PKHD1: variants seen among roughly 807,000 people sequenced by gnomAD.
PKHD1 encodes fibrocystin.
Under a neutral mutation model 412.0 loss-of-function variants are expected in PKHD1, and 291 were observed. The ratio of observed to expected loss-of-function variants is 0.71; its 90% CI spans 0.64 to 0.78. PKHD1 has a LOEUF of 0.78. PKHD1 is among the 30% of genes least tolerant of loss of function. PKHD1 has a pLI of 0.00. For synonymous variants in PKHD1, 1,777 were observed against 1,821.5 expected (o/e 0.98, Z 0.62); for missense variants, 4,825 against 4,950.7 (o/e 0.97, Z 0.76).
chr6:51,668,137 A>G (rs774989471), intron 60 of PKHD1, among the ~76,000 whole-genome samples: 6 of 152,186 alleles, frequency 3.9e-5, no homozygotes, highest in Non-Finnish European at 8.8e-5. Context: ...TACCTTGTGC[A>G]GTATGGCCAT....
chr6:51,919,485 T>C (rs1784350130), intron 37 of PKHD1, among the ~76,000 whole-genome samples: 1 of 152,220 alleles, frequency 6.6e-6, no homozygotes, highest in Non-Finnish European at 1.5e-5. Flanking sequence ...TCCATTGGTC[T>C]ATATCTCTGT....
chr6:51,947,098 T>G (rs1329083342), intron 36 of PKHD1, among the ~76,000 whole-genome samples: 1 of 152,208 alleles, frequency 6.6e-6, no homozygotes, highest in East Asian at 1.9e-4. Flanking sequence ...TGGTCAGGCC[T>G]TTACCTGATG....
rs186252047 is a variant in PKHD1, at chr6:51,718,731, A to G, written c.10156+25654T>C. Among the ~76,000 whole-genome samples the G allele has an allele frequency of 5.1e-4, 77 of 152,342 alleles. 1 individual carries two copies. The highest frequency in any genetic ancestry group is 1.7e-3 in the African/African-American group (69 of 41,582). On this transcript the variant is annotated intron_variant, in intron 60 of 66. Coordinates refer to ENST00000371117, the MANE Select transcript of PKHD1 (RefSeq NM_138694.4). Reference sequence around the variant, plus strand: ...TTCCAGTTTCTTTCACATAAAATGGAATAACTATAAATGGAGATATAATCA... The same window carrying G: ...TTCCAGTTTCTTTCACATAAAATGGGATAACTATAAATGGAGATATAATCA...
At chr6:52,007,799 G>A (rs1352311710) in intron 35 of PKHD1, among the ~76,000 whole-genome samples, 1 of 152,112 alleles carries the variant, frequency 6.6e-6, no homozygotes, top group East Asian at 1.9e-4. Context: ...TTGTTTTTCT[G>A]GACTCCAGGC....
At chr6:51,656,633 A>C (rs1581873604) in intron 61 of PKHD1, among the ~76,000 whole-genome samples, 1 of 151,594 alleles carries the variant, frequency 6.6e-6, no homozygotes, top group Non-Finnish European at 1.5e-5. Flanking sequence ...CTTCCCACAA[A>C]ACAGAGTTGG....
At chr6:51,999,652 C>T (rs909118782) in intron 35 of PKHD1, among the ~76,000 whole-genome samples, 1 of 152,132 alleles carries the variant, frequency 6.6e-6, no homozygotes, top group Non-Finnish European at 1.5e-5. Context: ...AGAGGACAAC[C>T]CTGAGGAGAA....
chr6:51,806,038 A>C (rs1042437677), intron 52 of PKHD1, among the ~76,000 whole-genome samples: 1 of 144,410 alleles, frequency 6.9e-6, no homozygotes, highest in East Asian at 2.1e-4. Context: ...TGGTATTTCT[A>C]GTTCTAGATC....
chr6:51,848,856 A>G (rs574853381), intron 49 of PKHD1, among the ~76,000 whole-genome samples: 31 of 150,356 alleles, frequency 2.1e-4, no homozygotes, highest in African/African-American at 7.4e-4. Context: ...ATTCCACTGG[A>G]TTGCTGTTTA....
At position 52,025,518 on chromosome 6, in the gene PKHD1, C is replaced by T. The variant is rs753307105; in HGVS notation, c.4292G>A (p.Cys1431Tyr). 12 of 1,613,920 alleles carry T rather than the reference C, an allele frequency of 7.4e-6. No individual in the cohort carries two copies. In the Admixed American group the frequency reaches 1.7e-4, roughly 22 times the overall value. Residue 1431 changes from cysteine to tyrosine, a missense_variant, in exon 32 of 67, where the codon TGT (cysteine) becomes TAT (tyrosine). Physicochemically the swap from Cys to Tyr is radical, Grantham distance 194. Transcript: ENST00000371117. ...GTGGTCTCCCAAACTCAAAATCACACAAGTAAAAGGACCCGAGAGGTCAAC... is the reference window on the plus strand; with the variant it reads ...GTGGTCTCCCAAACTCAAAATCACATAAGTAAAAGGACCCGAGAGGTCAAC... ...VRVDLSGPFT[C>Y]VILSLGDHTI...
intron 35 of PKHD1, among the ~76,000 whole-genome samples, chr6:52,007,975 T>C (rs370508116): frequency 7.2e-5 from 11 of 152,308 alleles, no homozygotes; most frequent in African/African-American, 2.4e-4. Context: ...CATTGTTCCC[T>C]CGTGTGCTTC....
intron 60 of PKHD1, among the ~76,000 whole-genome samples, chr6:51,678,882 T>C (rs1776238676): frequency 6.6e-6 from 1 of 152,126 alleles, no homozygotes; most frequent in Non-Finnish European, 1.5e-5. Context: ...AACAAACTGA[T>C]GTTCATGGGT....
At chr6:51,979,360 G>T (rs545748872) in intron 35 of PKHD1, among the ~76,000 whole-genome samples, 32 of 152,154 alleles carry the variant, frequency 2.1e-4, no homozygotes, top group African/African-American at 7.5e-4. Flanking sequence ...GTACATGGTA[G>T]GTTTTTAATA....
intron 60 of PKHD1, among the ~76,000 whole-genome samples, chr6:51,744,066 A>G (rs1234259817): frequency 1.3e-5 from 2 of 152,252 alleles, no homozygotes; most frequent in African/African-American, 4.8e-5. Context: ...AACACTGAGC[A>G]TGATGGCTGC....
chr6:51,923,907 A>C (rs1785118502), intron 37 of PKHD1, among the ~76,000 whole-genome samples: 1 of 152,198 alleles, frequency 6.6e-6, no homozygotes, highest in Non-Finnish European at 1.5e-5. Context: ...CTTAAGTCCA[A>C]TGAAGAAAAT....
chr6:51,859,454 AG>A (rs1773840130), intron 48 of PKHD1, among the ~76,000 whole-genome samples: 1 of 147,528 alleles, frequency 6.8e-6, no homozygotes, highest in African/African-American at 2.5e-5. Flanking sequence ...TGAACCTGGG[AG>A]GCAGAGCCTG....
intron 36 of PKHD1, among the ~76,000 whole-genome samples, chr6:51,945,496 C>T (rs2127836538): frequency 6.6e-6 from 1 of 152,328 alleles, no homozygotes; most frequent in Non-Finnish European, 1.5e-5. Context: ...ACGTCTACAT[C>T]TTTATGAATG....
chr6:51,893,171 TCTATTTCATTACCAAGGAAATG>T (rs1779371715), intron 43 of PKHD1, among the ~76,000 whole-genome samples: 2 of 152,300 alleles, frequency 1.3e-5, no homozygotes, highest in South Asian at 2.1e-4. Context: ...TCCACACAGC[TCTATTTCATTACCAAGGAAATG>T]CTATTTCATT....
intron 60 of PKHD1, among the ~76,000 whole-genome samples, chr6:51,677,688 A>T (rs1776064731): frequency 6.6e-6 from 1 of 152,184 alleles, no homozygotes; most frequent in Admixed American, 6.5e-5. Context: ...CTCTACAATC[A>T]GTTCTTTCAG....
At chr6:52,076,674 GGTCTTT>G (rs1811372385) in intron 5 of PKHD1, among the ~76,000 whole-genome samples, 1 of 152,144 alleles carries the variant, frequency 6.6e-6, no homozygotes. Flanking sequence ...AAGGTAGACA[GGTCTTT>G]GTGCAGAATG....
Sources: allele counts gnomAD v4.1 joint callset (sites outside exome capture counted in the v4.1 genomes callset), GRCh38; gene constraint gnomAD v4.1.1; transcripts MANE v1.5; gene names NCBI Gene and HGNC (gene_info 2026-07-23, HGNC 2026-07-21).